Variants in MED13L observed in about 807,000 individuals in gnomAD.
MED13L encodes the protein mediator of RNA polymerase II transcription subunit 13-like.
Under a neutral mutation model 220.9 loss-of-function variants are expected in MED13L, and 7 were observed. The ratio of observed to expected loss-of-function variants is 0.03; its 90% confidence interval spans 0.02 to 0.06. MED13L has a LOEUF of 0.06. Ranked by LOEUF, MED13L falls within the 10% of genes least tolerant of loss-of-function variation. The probability of loss-of-function intolerance (pLI) is 1.00; values close to 1 mark genes in which losing one functional copy is unlikely to be tolerated. For synonymous variants in MED13L, 1,011 were observed against 1,015.2 expected (o/e 1.00, Z 0.08); for missense variants, 1,965 against 2,760.5 (o/e 0.71, Z 6.46).
At chr12:116,266,487 C>A (rs1253599936) in intron 1 of MED13L, among the ~76,000 whole-genome samples, 1 of 152,188 alleles carries the variant, frequency 6.6e-6, no homozygotes, top group African/African-American at 2.4e-5. Context: ...GCAATCCTCT[C>A]CTTGGCCTAG....
intron 4 of MED13L, among the ~76,000 whole-genome samples, chr12:116,025,859 G>A (rs531989697): frequency 2.8e-4 from 43 of 152,206 alleles, no homozygotes; most frequent in African/African-American, 9.9e-4. Context: ...AACAGACAAT[G>A]TTCTTACCAC....
At chr12:116,099,111 T>C (rs1019429173) in intron 3 of MED13L, among the ~76,000 whole-genome samples, 6 of 152,194 alleles carry the variant, frequency 3.9e-5, no homozygotes, top group Non-Finnish European at 2.9e-5. Flanking sequence ...ACAATGGCAA[T>C]TTTTGTAGAT....
At chr12:116,030,574 G>C (rs1880679307) in intron 4 of MED13L, among the ~76,000 whole-genome samples, 1 of 152,022 alleles carries the variant, frequency 6.6e-6, no homozygotes, top group African/African-American at 2.4e-5. Flanking sequence ...AAAAGCAACA[G>C]AAAGGATTAA....
chr12:116,235,060 T>C (rs1010468454), intron 2 of MED13L, among the ~76,000 whole-genome samples: 23 of 152,324 alleles, frequency 1.5e-4, no homozygotes, highest in African/African-American at 5.3e-4. Context: ...AATTAAAATA[T>C]TCTCTTTGTA....
chr12:116,026,519 G>T (rs1880403321), intron 4 of MED13L, among the ~76,000 whole-genome samples: 2 of 152,280 alleles, frequency 1.3e-5, no homozygotes, highest in African/African-American at 2.4e-5. Flanking sequence ...TGTTAGTGCA[G>T]ACTGCTGGGC....
At chr12:116,042,152 C>G (rs532492692) in intron 4 of MED13L, among the ~76,000 whole-genome samples, 1 of 152,268 alleles carries the variant, frequency 6.6e-6, no homozygotes, top group Admixed American at 6.5e-5. Flanking sequence ...TCATAGTATA[C>G]CAGAGGGCTC....
chr12:116,185,201 T>C (rs1880798244), intron 2 of MED13L, among the ~76,000 whole-genome samples: 1 of 152,170 alleles, frequency 6.6e-6, no homozygotes, highest in African/African-American at 2.4e-5. Flanking sequence ...ACAAAATCTT[T>C]ACTCACCTAC....
chr12:115,982,669 A>C, intron 21 of MED13L, 66 bp from the exon 22 acceptor site: 6 of 1,351,092 alleles, frequency 4.4e-6, no homozygotes, highest in Non-Finnish European at 5.2e-6. Context: ...GAAAAACAAA[A>C]GGGCTCAATT....
intron 23 of MED13L, among the ~76,000 whole-genome samples, chr12:115,978,724 A>G (rs896789112): frequency 1.3e-5 from 2 of 152,218 alleles, no homozygotes; most frequent in Non-Finnish European, 2.9e-5. Context: ...GTTTGCCTGG[A>G]GTTTTTTATA....
At chr12:115,988,771 A>G (rs1877867685) in intron 17 of MED13L, among the ~76,000 whole-genome samples, 1 of 152,056 alleles carries the variant, frequency 6.6e-6, no homozygotes, top group African/African-American at 2.4e-5. Flanking sequence ...CCTGCAATAA[A>G]ATGTCTTATT....
At chr12:116,192,578 G>C (rs960436493) in intron 2 of MED13L, among the ~76,000 whole-genome samples, 1 of 152,122 alleles carries the variant, frequency 6.6e-6, no homozygotes, top group African/African-American at 2.4e-5. Flanking sequence ...AGTCACATTA[G>C]ACATACCGGA....
In MED13L at chr12:116,110,934, G is replaced by GA. The variant is rs1874027537; in HGVS notation, c.395+493dup. 3.3e-5 allele frequency among the ~76,000 whole-genome samples: 5 copies of GA among 152,242 alleles called. No individual in the cohort carries two copies. The South Asian group carries it at 1.0e-3, about 32-fold the overall frequency. On this transcript the variant is annotated intron_variant, in intron 3 of 30. Coordinates refer to ENST00000281928, the MANE Select transcript of MED13L (RefSeq NM_015335.5). The stretch of plus-strand genomic sequence containing the variant: ...AACTGTTCTGGATTTAAAGAGACAT[G>GA]AAAACTAAATACAATGTATGATCAT...
At chr12:116,207,012 A>G (rs1882377080) in intron 2 of MED13L, among the ~76,000 whole-genome samples, 1 of 152,232 alleles carries the variant, frequency 6.6e-6, no homozygotes, top group African/African-American at 2.4e-5. Context: ...AGGCACATTC[A>G]TAACAAAATA....
chr12:116,079,066 G>C (rs1871033144), intron 4 of MED13L, among the ~76,000 whole-genome samples: 2 of 152,116 alleles, frequency 1.3e-5, no homozygotes, highest in Admixed American at 1.3e-4. Context: ...AGATATTAAA[G>C]AAATTTGCAA....
intron 4 of MED13L, among the ~76,000 whole-genome samples, chr12:116,062,139 T>C (rs1403935318): frequency 6.6e-6 from 1 of 152,068 alleles, no homozygotes; most frequent in Non-Finnish European, 1.5e-5. Flanking sequence ...GGTATGGTGG[T>C]GCATGCCTGT....
chr12:115,968,023 G>A (rs564938941), intron 28 of MED13L, among the ~76,000 whole-genome samples: 7 of 136,858 alleles, frequency 5.1e-5, no homozygotes, highest in South Asian at 2.4e-4. Context: ...TCTCTCCAGC[G>A]TCTAATAAAT....
intron 1 of MED13L, among the ~76,000 whole-genome samples, chr12:116,253,041 C>T (rs1871698042): frequency 6.6e-6 from 1 of 152,118 alleles, no homozygotes; most frequent in Admixed American, 6.5e-5. Flanking sequence ...GCAGGTGGAT[C>T]ACCTGAGGTC....
chr12:116,160,370 C>T (rs1230914327), intron 2 of MED13L, among the ~76,000 whole-genome samples: 2 of 152,074 alleles, frequency 1.3e-5, no homozygotes, highest in African/African-American at 4.8e-5. Flanking sequence ...CCAAACAAAA[C>T]CATTTAGGTG....
intron 2 of MED13L, among the ~76,000 whole-genome samples, chr12:116,165,579 C>T (rs1381419238): frequency 2.0e-5 from 3 of 152,028 alleles, no homozygotes; most frequent in African/African-American, 7.2e-5. Context: ...TCCCCCCCGC[C>T]TCAGCCTCCC....
Sources: gnomAD v4.1 joint callset for allele counts (sites outside exome capture counted in the v4.1 genomes callset) on GRCh38, gnomAD v4.1.1 for gene constraint, MANE v1.5 for transcripts, NCBI Gene and HGNC (gene_info 2026-07-23, HGNC 2026-07-21) for gene names.